Variants in UBR2 observed in about 807,000 individuals in gnomAD.
The protein encoded by UBR2 is E3 ubiquitin-protein ligase UBR2.
In UBR2, 92 loss-of-function variants were observed where a neutral mutation model predicts 247.9. The ratio of observed to expected loss-of-function variants is 0.37; its 90% CI spans 0.31 to 0.44. The LOEUF is 0.44. UBR2 is among the 20% of genes least tolerant of loss of function. UBR2 has a pLI of 1.00. For missense variants in UBR2, 1,613 were observed against 2,112.6 expected (o/e 0.76, Z 4.64); for synonymous variants, 672 against 693.5 (o/e 0.97, Z 0.49).
intron 25 of UBR2, among the ~76,000 whole-genome samples, chr6:42,653,087 T>C (rs1412089132): frequency 5.9e-5 from 9 of 152,206 alleles, no homozygotes; most frequent in Non-Finnish European, 4.4e-5. Flanking sequence ...GTTATTTTTG[T>C]TTTTGTGTTT....
chr6:42,564,273 T>C lies in UBR2; in HGVS notation c.-47T>C. ...GAGGCCGCCGGGGCCGAGGTGAGGCTGCAGCTCTCCGGGCGGCGGTAGCGC... is the reference window on the plus strand; with the variant it reads ...GAGGCCGCCGGGGCCGAGGTGAGGCCGCAGCTCTCCGGGCGGCGGTAGCGC... On this transcript the variant is annotated 5_prime_UTR_variant, in exon 1 of 47. Coordinates refer to ENST00000372901, the MANE Select transcript of UBR2 (RefSeq NM_001363705.2). The C allele has an allele frequency of 6.3e-7, 1 of 1,583,904 alleles. No individual in the cohort carries two copies.
chr6:42,641,204 C>T (rs1159330411), intron 16 of UBR2, among the ~76,000 whole-genome samples: 1 of 152,102 alleles, frequency 6.6e-6, no homozygotes, highest in Non-Finnish European at 1.5e-5. Context: ...TGGCCCACAC[C>T]TGTAATCGCA....
chr6:42,576,353 T>C (rs1425954459), intron 2 of UBR2, among the ~76,000 whole-genome samples: 1 of 152,152 alleles, frequency 6.6e-6, no homozygotes, highest in Non-Finnish European at 1.5e-5. Context: ...AATTTCCTTC[T>C]CTGACAAGAG....
In UBR2 at chr6:42,691,170, A is replaced by G; in HGVS notation, c.5265A>G (p.Leu1755=). 1 of 1,613,190 alleles carries G rather than the reference A, an allele frequency of 6.2e-7. No individual in the cohort carries two copies. The part of the protein sequence containing the change: ...QTLVGIDWQH[L] ...TGGTTGGCATTGACTGGCAACATTT[A>G]TAATTATTGCACCACCAAAAAACAC... Residue 1755 remains leucine (L), a synonymous_variant, in exon 47 of 47, where the codon TTA becomes TTG. Coordinates refer to ENST00000372901, the MANE Select transcript of UBR2 (RefSeq NM_001363705.2).
chr6:42,614,366 G>A (rs1316643072), intron 8 of UBR2, among the ~76,000 whole-genome samples: 32 of 15,882 alleles, frequency 2.0e-3, no homozygotes, highest in African/African-American at 2.9e-3. Context: ...GTATATATGT[G>A]TGTATGTGTG....
At chr6:42,643,421 C>T (rs972219601) in intron 18 of UBR2, among the ~76,000 whole-genome samples, 2 of 151,988 alleles carry the variant, frequency 1.3e-5, no homozygotes, top group East Asian at 1.9e-4. Context: ...CATGGTGAAA[C>T]CCTGTCTCTA....
rs1582397068 is a variant in UBR2, at chr6:42,564,266, G to T, written c.-54G>T. On this transcript the variant is annotated 5_prime_UTR_variant, in exon 1 of 47. Transcript: ENST00000372901. ...GGCAGTCGAGGCCGCCGGGGCCGAGGTGAGGCTGCAGCTCTCCGGGCGGCG... is the reference window on the plus strand; with the variant it reads ...GGCAGTCGAGGCCGCCGGGGCCGAGTTGAGGCTGCAGCTCTCCGGGCGGCG... 6.3e-7 allele frequency: 1 copy of T among 1,577,970 alleles called. No individual in the cohort carries two copies. The highest frequency in any genetic ancestry group is 2.3e-5 in the East Asian group (1 of 43,346).
rs574388498 is a variant in UBR2, at chr6:42,612,493, C to T, written c.985+202C>T. On this transcript the variant is annotated intron_variant, in intron 8 of 46. Coordinates refer to ENST00000372901, the MANE Select transcript of UBR2 (RefSeq NM_001363705.2). ...TCATACTGGATATTTTTTATATGCACACAAAGGATTCTCTATTCAAATAAA... is the reference window on the plus strand; with the variant it reads ...TCATACTGGATATTTTTTATATGCATACAAAGGATTCTCTATTCAAATAAA... 2.0e-5 allele frequency among the ~76,000 whole-genome samples: 3 copies of T among 152,262 alleles called. No homozygotes were observed. In the East Asian group the frequency reaches 5.8e-4, roughly 29 times the overall value.
chr6:42,648,206 A>T, intron 22 of UBR2, 36 bp downstream of exon 22: 1 of 1,570,676 alleles, frequency 6.4e-7, no homozygotes, highest in Non-Finnish European at 8.8e-7. Flanking sequence ...ATTCTTTTTT[A>T]CTTTTCCAGT....
intron 2 of UBR2, among the ~76,000 whole-genome samples, chr6:42,584,924 A>G (rs995167081): frequency 2.0e-5 from 3 of 152,040 alleles, no homozygotes; most frequent in Non-Finnish European, 4.4e-5. Context: ...TCCTATAATT[A>G]TGTCTTCTAT....
At chr6:42,680,161 A>G (rs1053311242) in intron 42 of UBR2, among the ~76,000 whole-genome samples, 2 of 152,052 alleles carry the variant, frequency 1.3e-5, no homozygotes, top group African/African-American at 2.4e-5. Context: ...ATACACCACC[A>G]TGCCTGGCTA....
chr6:42,679,106 C>T (rs1798887564), intron 41 of UBR2, among the ~76,000 whole-genome samples: 1 of 152,174 alleles, frequency 6.6e-6, no homozygotes, highest in South Asian at 2.1e-4. Flanking sequence ...TTGATTTGCT[C>T]TTTCATAGTT....
chr6:42,600,217 C>T (rs1223818235), intron 4 of UBR2, among the ~76,000 whole-genome samples: 5 of 152,098 alleles, frequency 3.3e-5, no homozygotes, highest in Non-Finnish European at 7.4e-5. Flanking sequence ...CTCCATAATT[C>T]CTACTGCCCT....
In UBR2 at chr6:42,659,862, C is replaced by T; in HGVS notation, c.3442+7C>T. ...AAATTTATTCAAGATCCAGGTAAGT[C>T]ATAGCTAGATCCTCATCTTCCCTTT... On this transcript the variant is annotated splice_region_variant and intron_variant, in intron 30 of 46. Coordinates refer to ENST00000372901, the MANE Select transcript of UBR2 (RefSeq NM_001363705.2). This position sits in a 1 kb window ranked among gnomAD's most constrained non-coding sequence, Gnocchi z 4.3. 6.2e-7 allele frequency: 1 copy of T among 1,612,922 alleles called. No individual in the cohort carries two copies. Among genetic ancestry groups the T allele is most frequent in the African/African-American group, 1.3e-5 (1 of 75,028 alleles).
At chr6:42,607,375 C>T (rs1793769566) in intron 7 of UBR2, among the ~76,000 whole-genome samples, 1 of 151,954 alleles carries the variant, frequency 6.6e-6, no homozygotes, top group Non-Finnish European at 1.5e-5. Flanking sequence ...ACCATGTTAT[C>T]CAGGCTGGTC....
At chr6:42,651,468 A>G (rs1470568956) in intron 23 of UBR2, among the ~76,000 whole-genome samples, 1 of 150,298 alleles carries the variant, frequency 6.7e-6, no homozygotes, top group Non-Finnish European at 1.5e-5. Context: ...CGTTTGGGGG[A>G]GGACTAGAAC....
chr6:42,574,783 C>G (rs930153634), intron 2 of UBR2, among the ~76,000 whole-genome samples: 1 of 151,952 alleles, frequency 6.6e-6, no homozygotes, highest in Non-Finnish European at 1.5e-5. Flanking sequence ...GCAACCTCCA[C>G]CTGCCAGGTT....
rs776221335 is a variant in UBR2 at position 42,592,226 on chromosome 6, T to C, written c.414T>C (p.Tyr138=). Residue 138 remains tyrosine (Y), a synonymous_variant, in exon 3 of 47, where the codon TAT becomes TAC. Coordinates refer to ENST00000372901, the MANE Select transcript of UBR2 (RefSeq NM_001363705.2). ...GAAGTATTCACAGAGATCATCGATA[T>C]AGGGTTAGTAATGTCCAAATAATAA... ...FLGSIHRDHR[Y]RMTTSGGGGF... The C allele has an allele frequency of 4.4e-6, 7 of 1,582,252 alleles. No individual in the cohort carries two copies. The East Asian group carries it at 1.1e-4, about 25-fold the overall frequency.
chr6:42,578,393 T>G (rs1369919637), intron 2 of UBR2, among the ~76,000 whole-genome samples: 1 of 152,212 alleles, frequency 6.6e-6, no homozygotes, highest in Non-Finnish European at 1.5e-5. Flanking sequence ...CTAGGCCTAA[T>G]GCCTCTATCC....
Sources: gnomAD v4.1 joint callset for allele counts (sites outside exome capture counted in the v4.1 genomes callset) on GRCh38, gnomAD v4.1.1 for gene constraint, Gnocchi (gnomAD v3.1) non-coding constraint, MANE v1.5 for transcripts, NCBI Gene and HGNC (gene_info 2026-07-23, HGNC 2026-07-21) for gene names.